Variants in INSYN2A observed in about 807,000 individuals in gnomAD.
INSYN2A encodes inhibitory synaptic factor 2A.
A neutral mutation model predicts 39.4 loss-of-function variants in INSYN2A; 17 were observed. The observed-to-expected ratio is 0.43, with a 90% CI of 0.30 to 0.65. The LOEUF is 0.65. Ranked by LOEUF, INSYN2A falls within the 30% of genes least tolerant of loss-of-function variation. The probability of loss-of-function intolerance (pLI) is 0.14; values close to 1 mark genes in which losing one functional copy is unlikely to be tolerated. For synonymous variants in INSYN2A, 255 were observed against 265.7 expected (o/e 0.96, Z 0.39); for missense variants, 595 against 631.2 (o/e 0.94, Z 0.61).
rs534565452 is a variant in INSYN2A at position 127,176,072 on chromosome 10, C to T, written c.324G>A (p.Ser108=). The T allele has an allele frequency of 1.6e-5, 26 of 1,614,072 alleles. No homozygotes were observed. The highest frequency in any genetic ancestry group is 1.6e-4 in the Middle Eastern group (1 of 6,062). ...TCTGGTAACACTTCTTAAGGTCGGG[C>T]GAGGTCTGCACGCCTGTGCTCTTGG... is the stretch of plus-strand genomic sequence containing the variant. ...NVTKSTGVQT[S]PDLKKCYQTF... Residue 108 remains serine, a synonymous_variant, in exon 4 of 6, where the codon TCG becomes TCA. Transcript: ENST00000522781. This position sits in a 1 kb window ranked among gnomAD's most constrained non-coding sequence, Gnocchi z 4.4.
intron 2 of INSYN2A, among the ~76,000 whole-genome samples, chr10:127,181,253 T>A (rs934834271): frequency 6.6e-6 from 1 of 152,218 alleles, no homozygotes; most frequent in Non-Finnish European, 1.5e-5. Context: ...GATATGTCAA[T>A]ATTTGAGCAA....
At chr10:127,164,208 G>A (rs1284789711) in intron 4 of INSYN2A, among the ~76,000 whole-genome samples, 9 of 103,636 alleles carry the variant, frequency 8.7e-5, no homozygotes, top group African/African-American at 3.4e-4. Context: ...TTTTGAGACA[G>A]AGTCCTGCTC....
chr10:127,176,696 A>G lies in INSYN2A; in HGVS notation c.-6+181T>C, dbSNP rs2133913044. On this transcript the variant is annotated intron_variant, in intron 3 of 5. Transcript: ENST00000522781. The surrounding 1 kb of genome is among the most constrained non-coding windows in gnomAD (Gnocchi z 4.4). ...CAAACCTGTTTTACTACATTCATCA[A>G]GAAACCCAATGATGCTGCCTCTTCT... 6.6e-6 allele frequency among the ~76,000 whole-genome samples: 1 copy of G among 152,300 alleles called. No homozygotes were observed.
At chr10:127,195,317 C>T (rs2057033210) in intron 1 of INSYN2A, among the ~76,000 whole-genome samples, 1 of 152,178 alleles carries the variant, frequency 6.6e-6, no homozygotes, top group Admixed American at 6.5e-5. Context: ...AGGTCTGCAG[C>T]GTTGGTTGGT....
chr10:127,184,070 T>C (rs2055989482), intron 2 of INSYN2A, among the ~76,000 whole-genome samples: 1 of 152,168 alleles, frequency 6.6e-6, no homozygotes. Flanking sequence ...CAGTGGTCTT[T>C]CTTGGGAAGC....
At chr10:127,192,049 T>C (rs2056791448) in intron 2 of INSYN2A, among the ~76,000 whole-genome samples, 1 of 152,226 alleles carries the variant, frequency 6.6e-6, no homozygotes, top group Non-Finnish European at 1.5e-5. Context: ...AACAAGCATT[T>C]TGATATGGTG....
chr10:127,169,528 C>G (rs1054314425), intron 4 of INSYN2A, among the ~76,000 whole-genome samples: 2 of 152,154 alleles, frequency 1.3e-5, no homozygotes, highest in Non-Finnish European at 2.9e-5. Context: ...GAGTCCATAA[C>G]CTATGGCTTG....
rs1328620925 is a variant in INSYN2A at position 127,137,547 on chromosome 10, CG to C, written c.*289del. ...GGTTGATAATGTATTACTTGCAGAT[CG>C]GGGGTGGGGGAAAATTTTTACTTAT... On this transcript the variant is annotated 3_prime_UTR_variant, in exon 6 of 6. Coordinates refer to ENST00000522781, the MANE Select transcript of INSYN2A (RefSeq NM_001039762.3). 4 of 310,218 alleles carry C rather than the reference CG, an allele frequency of 1.3e-5. No homozygotes were observed. Among genetic ancestry groups the C allele is most frequent in the South Asian group, 9.2e-5 (1 of 10,826 alleles). The allele number at this position is 310,218 out of a possible 1,614,324, so 19.2% of individuals were successfully genotyped here.
At position 127,138,864 on chromosome 10, in the gene INSYN2A, C is replaced by G. The variant is rs368877512; in HGVS notation, c.1257-844G>C. On this transcript the variant is annotated intron_variant, in intron 5 of 5. Coordinates refer to ENST00000522781, the MANE Select transcript of INSYN2A (RefSeq NM_001039762.3). ...TTGCTGTCAACTTGTCTAGAGCCCT[C>G]TCGTCTCCATGTCTTTGAAAAGGAC... Among the ~76,000 whole-genome samples, 19 of 152,344 alleles carry G rather than the reference C, an allele frequency of 1.2e-4. No individual in the cohort carries two copies. The East Asian group carries it at 3.5e-3, about 28-fold the overall frequency.
chr10:127,182,129 C>T (rs1441773082), intron 2 of INSYN2A, among the ~76,000 whole-genome samples: 2 of 152,000 alleles, frequency 1.3e-5, no homozygotes, highest in East Asian at 1.9e-4. Flanking sequence ...CCCGTTCCCT[C>T]GATGTGTAGA....
chr10:127,159,881 C>T (rs2053437752), intron 4 of INSYN2A, among the ~76,000 whole-genome samples: 1 of 152,136 alleles, frequency 6.6e-6, no homozygotes, highest in Non-Finnish European at 1.5e-5. Flanking sequence ...CTCCGAGGAG[C>T]AGGGCACGGG....
intron 2 of INSYN2A, among the ~76,000 whole-genome samples, chr10:127,186,398 G>A (rs564856279): frequency 1.5e-4 from 23 of 151,916 alleles, no homozygotes; most frequent in African/African-American, 5.1e-4. Flanking sequence ...ATGGTGGTGC[G>A]TGCCTGTAAT....
intron 4 of INSYN2A, among the ~76,000 whole-genome samples, chr10:127,160,312 A>G (rs765192441): frequency 4.6e-5 from 7 of 152,212 alleles, no homozygotes; most frequent in East Asian, 3.9e-4. Context: ...TTTTACTGCC[A>G]TAGTCTCACA....
At chr10:127,159,215 T>G (rs192061811) in intron 4 of INSYN2A, among the ~76,000 whole-genome samples, 32 of 152,328 alleles carry the variant, frequency 2.1e-4, no homozygotes, top group African/African-American at 7.7e-4. Flanking sequence ...ATTTCTGTTT[T>G]GTAGTGAACC....
chr10:127,140,509 C>T (rs933898364), intron 5 of INSYN2A, among the ~76,000 whole-genome samples: 1 of 152,182 alleles, frequency 6.6e-6, no homozygotes, highest in South Asian at 2.1e-4. Context: ...TGGGATGACG[C>T]CCGTGCACCA....
At chr10:127,186,803 A>G (rs2056314379) in intron 2 of INSYN2A, among the ~76,000 whole-genome samples, 1 of 151,970 alleles carries the variant, frequency 6.6e-6, no homozygotes, top group Non-Finnish European at 1.5e-5. Context: ...GGGATGTATA[A>G]AGAGAGAGAG....
At position 127,137,710 on chromosome 10, in the gene INSYN2A, A is replaced by G. The variant is rs371817689; in HGVS notation, c.*127T>C. The G allele has an allele frequency of 3.3e-5, 27 of 820,200 alleles. 1 individual carries two copies. In the East Asian group the frequency reaches 4.0e-4, roughly 12 times the overall value. 50.8% of individuals were successfully genotyped at this position (820,200 alleles called of 1,614,324 possible). A position where few individuals can be genotyped will look rare whatever the true frequency, so the allele number is the denominator to read the frequency against. ...TGGTACAAAGGCCTTTTTGGTACGC[A>G]GGGCGAGAAGTGGGAGGTGCCTGAA... On this transcript the variant is annotated 3_prime_UTR_variant, in exon 6 of 6. Coordinates refer to ENST00000522781, the MANE Select transcript of INSYN2A (RefSeq NM_001039762.3).
intron 5 of INSYN2A, among the ~76,000 whole-genome samples, chr10:127,149,716 ATG>A (rs1205369279): frequency 6.6e-6 from 1 of 152,038 alleles, no homozygotes; most frequent in Non-Finnish European, 1.5e-5. Flanking sequence ...TGACATTACA[ATG>A]TGTGAACACT....
rs1483027257 is a variant in INSYN2A, at chr10:127,175,652, C to T, written c.744G>A (p.Val248=). ...AAACGGTGGCAACCTCCGTTTTAAACACCCTCCTGAGGGCAGGTGGAGCGG... is the reference window on the plus strand; with the variant it reads ...AAACGGTGGCAACCTCCGTTTTAAATACCCTCCTGAGGGCAGGTGGAGCGG... ...EEPAPPALRR[V]FKTEVATVYA... Residue 248 remains valine, a synonymous_variant, in exon 4 of 6, where the codon GTG becomes GTA. Coordinates refer to ENST00000522781, the MANE Select transcript of INSYN2A (RefSeq NM_001039762.3). This position sits in a 1 kb window ranked among gnomAD's most constrained non-coding sequence, Gnocchi z 6.3. 3 of 1,613,402 alleles carry T rather than the reference C, an allele frequency of 1.9e-6. No homozygotes were observed. Among genetic ancestry groups the T allele is most frequent in the Non-Finnish European group, 2.5e-6 (3 of 1,179,986 alleles).
Sources: gnomAD v4.1 joint callset for allele counts (sites outside exome capture counted in the v4.1 genomes callset) on GRCh38, gnomAD v4.1.1 for gene constraint, Gnocchi (gnomAD v3.1) non-coding constraint, MANE v1.5 for transcripts, NCBI Gene and HGNC (gene_info 2026-07-23, HGNC 2026-07-21) for gene names.